Variants in KDM4C observed in about 807,000 individuals in gnomAD.
KDM4C encodes the protein lysine-specific demethylase 4C.
A neutral mutation model predicts 129.3 loss-of-function variants in KDM4C; 81 were observed. The ratio of observed to expected loss-of-function variants is 0.63; its 90% CI spans 0.52 to 0.75. KDM4C has a LOEUF of 0.75. Among genes scored for constraint, KDM4C ranks in the 30% least tolerant of loss-of-function variants. KDM4C has a pLI of 0.00. For synonymous variants in KDM4C, 573 were observed against 456.1 expected, an observed-to-expected ratio of 1.26 and a Z score of -3.26; for missense variants, 1,457 against 1,304.0, an observed-to-expected ratio of 1.12 and a Z score of -1.81.
intron 15 of KDM4C, among the ~76,000 whole-genome samples, chr9:7,035,203 G>C (rs918709152): frequency 6.6e-6 from 1 of 150,766 alleles, no homozygotes; most frequent in South Asian, 2.1e-4. Flanking sequence ...TAGTAGAGAT[G>C]AGGTTTTGCC....
intron 7 of KDM4C, 84 bp from the exon 8 acceptor site, chr9:6,893,011 T>C (rs562905053): frequency 8.9e-7 from 1 of 1,121,952 alleles, no homozygotes; most frequent in East Asian, 3.1e-5. Flanking sequence ...TTTCTTTGTT[T>C]TTTAATGGGA....
intron 8 of KDM4C, among the ~76,000 whole-genome samples, chr9:6,919,947 T>A (rs1396942550): frequency 1.3e-5 from 2 of 152,184 alleles, no homozygotes; most frequent in Non-Finnish European, 2.9e-5. Flanking sequence ...ACTGCTTTTG[T>A]CAAAGTCAGT....
intron 17 of KDM4C, among the ~76,000 whole-genome samples, chr9:7,061,478 A>T (rs1479459518): frequency 6.6e-6 from 1 of 152,198 alleles, no homozygotes; most frequent in Non-Finnish European, 1.5e-5. Context: ...AGCTGAGCAG[A>T]AGCCTGGTGC....
At chr9:7,005,106 T>G (rs1385271460) in intron 12 of KDM4C, among the ~76,000 whole-genome samples, 2 of 152,112 alleles carry the variant, frequency 1.3e-5, no homozygotes, top group East Asian at 3.8e-4. Context: ...TAGAAAGCAA[T>G]TAAGCACCCA....
chr9:7,089,719 A>T (rs185848616), intron 17 of KDM4C, among the ~76,000 whole-genome samples: 8 of 152,342 alleles, frequency 5.3e-5, no homozygotes, highest in Admixed American at 4.6e-4. Context: ...TTGCTTAAAA[A>T]AAGTCACTGC....
intron 20 of KDM4C, among the ~76,000 whole-genome samples, chr9:7,165,664 G>A (rs1001388250): frequency 1.3e-5 from 2 of 152,228 alleles, no homozygotes; most frequent in African/African-American, 2.4e-5. Context: ...TATGGGGAAC[G>A]ACTAGTTGGC....
intron 2 of KDM4C, among the ~76,000 whole-genome samples, chr9:6,795,811 A>ACAG: frequency 6.6e-6 from 1 of 151,632 alleles, no homozygotes; most frequent in Admixed American, 6.6e-5. Context: ...AGCTGGGATT[A>ACAG]CAGGTATGCA....
At chr9:6,763,462 A>G (rs557226020) in intron 1 of KDM4C, among the ~76,000 whole-genome samples, 1 of 150,166 alleles carries the variant, frequency 6.7e-6, no homozygotes, top group South Asian at 2.1e-4. Flanking sequence ...AGTCTTAAGC[A>G]ATCATGCCAT....
chr9:7,042,273 A>G (rs1828728224), intron 15 of KDM4C, among the ~76,000 whole-genome samples: 1 of 152,168 alleles, frequency 6.6e-6, no homozygotes, highest in East Asian at 1.9e-4. Flanking sequence ...CATCTGCATT[A>G]TATTAAACAT....
chr9:6,834,755 C>G (rs1835551304), intron 4 of KDM4C: 5 of 1,089,338 alleles, frequency 4.6e-6, no homozygotes, highest in Non-Finnish European at 7.1e-6. Context: ...TCCCGAGGAG[C>G]ATCCCATGCT....
At chr9:6,907,141 A>T (rs1380769563) in intron 8 of KDM4C, among the ~76,000 whole-genome samples, 1 of 152,242 alleles carries the variant, frequency 6.6e-6, no homozygotes, top group African/African-American at 2.4e-5. Flanking sequence ...GGGTGTATGT[A>T]TTGATGTGAT....
chr9:7,099,107 A>T (rs759261658), intron 17 of KDM4C, among the ~76,000 whole-genome samples: 2 of 152,180 alleles, frequency 1.3e-5, no homozygotes, highest in African/African-American at 4.8e-5. Flanking sequence ...AAATTAGCTA[A>T]TGTATCATTA....
At position 7,165,461 on chromosome 9, in the gene KDM4C, G is replaced by A. The variant is rs17512494; in HGVS notation, c.2901+104G>A. ...TGAACAATAAGCCACATGAATTTGGGACACCTCTTATTTTATGCAGGAGGC... is the reference window on the plus strand; with the variant it reads ...TGAACAATAAGCCACATGAATTTGGAACACCTCTTATTTTATGCAGGAGGC... On this transcript the variant is annotated intron_variant, in intron 20 of 21. Transcript: ENST00000381309. 5.5e-3 allele frequency: 7,137 copies of A among 1,307,338 alleles called. 22 individuals are homozygous for A. Among genetic ancestry groups the A allele is most frequent in the Admixed American group, 7.3e-3 (343 of 47,032 alleles). The allele number at this position is 1,307,338 out of a possible 1,614,324, so 81.0% of individuals were successfully genotyped here.
chr9:6,819,892 CGT>C (rs1325691236), intron 4 of KDM4C, among the ~76,000 whole-genome samples: 45 of 152,196 alleles, frequency 3.0e-4, no homozygotes, highest in African/African-American at 1.1e-3. Flanking sequence ...ACTGGTTTCT[CGT>C]GGTTCATGGC....
At position 6,812,678 on chromosome 9, in the gene KDM4C, C is replaced by T. The variant is rs116587069; in HGVS notation, c.321-1953C>T. 4.4e-3 allele frequency among the ~76,000 whole-genome samples: 666 copies of T among 152,234 alleles called. 8 individuals carry two copies. Among genetic ancestry groups the T allele is most frequent in the African/African-American group, 0.015 (636 of 41,528 alleles). ...ACTGACCTCCTATGCATCCCTGTTC[C>T]TAACAGGCCGCGGACCCCTACTGGG... On this transcript the variant is annotated intron_variant, in intron 3 of 21. Transcript: ENST00000381309.
rs575040719 is a variant in KDM4C at position 7,087,084 on chromosome 9, T to C, written c.2425-16601T>C. ...ACAAGACTTTTTATTGCAACTTACG[T>C]GGCTCTTTTTTTTTTTTTCACTTTT... On this transcript the variant is annotated intron_variant, in intron 17 of 21. Transcript: ENST00000381309. Among the ~76,000 whole-genome samples, 480 of 100,450 alleles carry C rather than the reference T, an allele frequency of 4.8e-3. 1 individual carries two copies. The highest frequency in any genetic ancestry group is 0.019 in the African/African-American group (451 of 24,146). 65.9% of individuals were successfully genotyped at this position (100,450 alleles called of 152,430 possible).
At chr9:6,991,017 A>T (rs973800652) in intron 12 of KDM4C, among the ~76,000 whole-genome samples, 2 of 151,988 alleles carry the variant, frequency 1.3e-5, no homozygotes, top group African/African-American at 4.8e-5. Flanking sequence ...ATGCAGCTGG[A>T]TGTAACGCAG....
At chr9:6,973,433 T>G (rs1302148124) in intron 8 of KDM4C, among the ~76,000 whole-genome samples, 1 of 152,216 alleles carries the variant, frequency 6.6e-6, no homozygotes, top group East Asian at 1.9e-4. Context: ...ATTTTCCCAC[T>G]TTAGAAACAA....
intron 4 of KDM4C, among the ~76,000 whole-genome samples, chr9:6,820,723 T>C (rs1292724848): frequency 1.3e-5 from 2 of 151,174 alleles, no homozygotes; most frequent in Non-Finnish European, 3.0e-5. Flanking sequence ...TCTTTTTTTT[T>C]TTTTTTTTTT....
Sources: gnomAD v4.1 joint callset for allele counts (sites outside exome capture counted in the v4.1 genomes callset) on GRCh38, gnomAD v4.1.1 for gene constraint, MANE v1.5 for transcripts, NCBI Gene and HGNC (gene_info 2026-07-23, HGNC 2026-07-21) for gene names.